The following NXPH2 variants were observed in gnomAD, a reference collection of about 807,000 sequenced individuals.
NXPH2 encodes neurexophilin-2.
In NXPH2, 5 loss-of-function variants were observed where a neutral mutation model predicts 19.8. The ratio of observed to expected loss-of-function variants is 0.25; its 90% CI spans 0.13 to 0.53. NXPH2 has a LOEUF of 0.53. Ranked by LOEUF, NXPH2 falls within the 20% of genes least tolerant of loss-of-function variation. The probability of loss-of-function intolerance (pLI) is 0.96; values close to 1 mark genes in which losing one functional copy is unlikely to be tolerated. For missense variants in NXPH2, 289 were observed against 322.8 expected, an observed-to-expected ratio of 0.90 and a Z score of 0.80; for synonymous variants, 154 against 127.4, an observed-to-expected ratio of 1.21 and a Z score of -1.41.
chr2:138,753,899 G>C (rs1179567908), intron 1 of NXPH2, among the ~76,000 whole-genome samples: 1 of 152,140 alleles, frequency 6.6e-6, no homozygotes, highest in Non-Finnish European at 1.5e-5. Context: ...GTTTCTTGCT[G>C]TTAGTTTTAC....
intron 1 of NXPH2, among the ~76,000 whole-genome samples, chr2:138,752,430 A>G (rs1681841693): frequency 6.6e-6 from 1 of 152,152 alleles, no homozygotes; most frequent in Admixed American, 6.5e-5. Context: ...GACATGTACA[A>G]CCTCATACAT....
chr2:138,758,854 TGA>T (rs1681956037), intron 1 of NXPH2, among the ~76,000 whole-genome samples: 1 of 152,112 alleles, frequency 6.6e-6, no homozygotes, highest in Admixed American at 6.5e-5. Flanking sequence ...TTCTGAAAAA[TGA>T]GAGACAGCTG....
At chr2:138,715,526 G>A (rs1221272010) in intron 1 of NXPH2, among the ~76,000 whole-genome samples, 5 of 152,092 alleles carry the variant, frequency 3.3e-5, no homozygotes, top group Admixed American at 3.3e-4. Flanking sequence ...AATAAACCAG[G>A]GTTTGTTTAC....
intron 1 of NXPH2, among the ~76,000 whole-genome samples, chr2:138,720,463 C>T (rs1194874143): frequency 6.6e-6 from 1 of 152,148 alleles, no homozygotes; most frequent in Non-Finnish European, 1.5e-5. Flanking sequence ...GGCAAGGCCA[C>T]GTAGTCAAGA....
At chr2:138,755,714 C>T (rs182035296) in intron 1 of NXPH2, among the ~76,000 whole-genome samples, 64 of 152,142 alleles carry the variant, frequency 4.2e-4, no homozygotes, top group African/African-American at 1.4e-3. Context: ...AAGTAGCCTG[C>T]TTGAATTTAA....
At chr2:138,772,845 G>C (rs1435043643) in intron 1 of NXPH2, among the ~76,000 whole-genome samples, 1 of 152,202 alleles carries the variant, frequency 6.6e-6, no homozygotes, top group Non-Finnish European at 1.5e-5. Context: ...TTTACAATCT[G>C]TGCAGTCTAC....
intron 1 of NXPH2, among the ~76,000 whole-genome samples, chr2:138,756,137 T>C (rs1230665344): frequency 4.6e-5 from 7 of 152,058 alleles, no homozygotes; most frequent in African/African-American, 1.7e-4. Context: ...AATGAATATT[T>C]ATTAATTACT....
chr2:138,725,618 T>C (rs1261811410), intron 1 of NXPH2, among the ~76,000 whole-genome samples: 1 of 152,258 alleles, frequency 6.6e-6, no homozygotes, highest in Admixed American at 6.5e-5. Context: ...TTATGTTACA[T>C]AATATTTGGC....
At chr2:138,703,519 T>C (rs768607924) in intron 1 of NXPH2, among the ~76,000 whole-genome samples, 2 of 152,154 alleles carry the variant, frequency 1.3e-5, no homozygotes, top group Non-Finnish European at 2.9e-5. Context: ...CTGGGGGTCA[T>C]TATCCAGCAA....
At chr2:138,779,965 G>C (rs183102472) in intron 1 of NXPH2, among the ~76,000 whole-genome samples, 65 of 152,164 alleles carry the variant, frequency 4.3e-4, no homozygotes, top group African/African-American at 1.4e-3. Context: ...CAGCGCTCAA[G>C]TCCCAACCCG....
At chr2:138,675,579 C>T (rs1197063736) in intron 1 of NXPH2, among the ~76,000 whole-genome samples, 3 of 151,976 alleles carry the variant, frequency 2.0e-5, no homozygotes, top group Non-Finnish European at 2.9e-5. Flanking sequence ...TGAAAACTTT[C>T]CTGATAGCAG....
At chr2:138,771,168 G>T (rs867353270) in intron 1 of NXPH2, among the ~76,000 whole-genome samples, 3 of 151,772 alleles carry the variant, frequency 2.0e-5, no homozygotes, top group African/African-American at 7.3e-5. Flanking sequence ...CTATATTAAA[G>T]AATTCAAAAC....
At chr2:138,758,705 G>T (rs1391289903) in intron 1 of NXPH2, among the ~76,000 whole-genome samples, 1 of 152,152 alleles carries the variant, frequency 6.6e-6, no homozygotes. Context: ...AGAGACTGTG[G>T]CCTGGTGGAT....
intron 1 of NXPH2, among the ~76,000 whole-genome samples, chr2:138,678,639 A>T (rs372966906): frequency 1.3e-5 from 2 of 152,192 alleles, no homozygotes; most frequent in Non-Finnish European, 2.9e-5. Flanking sequence ...TGTGTCTGTC[A>T]TCACCATTAT....
intron 1 of NXPH2, among the ~76,000 whole-genome samples, chr2:138,715,400 T>C (rs1199380660): frequency 6.6e-6 from 1 of 152,232 alleles, no homozygotes; most frequent in East Asian, 1.9e-4. Flanking sequence ...CTAGATTTAA[T>C]TTGTCATAAT....
chr2:138,769,101 A>G (rs936489337), intron 1 of NXPH2, among the ~76,000 whole-genome samples: 7 of 152,372 alleles, frequency 4.6e-5, no homozygotes, highest in African/African-American at 1.7e-4. Context: ...GAGAATCGCA[A>G]TCTCACTCTT....
At chr2:138,758,882 C>A (rs989863902) in intron 1 of NXPH2, among the ~76,000 whole-genome samples, 25 of 152,170 alleles carry the variant, frequency 1.6e-4, no homozygotes, top group African/African-American at 5.8e-4. Flanking sequence ...ATCTCTATAT[C>A]ACAATATGCT....
chr2:138,718,196 C>T (rs1307058469), intron 1 of NXPH2, among the ~76,000 whole-genome samples: 6 of 152,008 alleles, frequency 3.9e-5, no homozygotes, highest in Admixed American at 6.6e-5. Context: ...TTGAAGTCCT[C>T]ACCAAGGCTA....
chr2:138,674,540 C>A (rs2104964883), intron 1 of NXPH2, among the ~76,000 whole-genome samples: 1 of 152,306 alleles, frequency 6.6e-6, no homozygotes, highest in Middle Eastern at 3.4e-3. Flanking sequence ...CTACCTTGGC[C>A]TCTCAAAGTG....
Sources: allele counts gnomAD v4.1 joint callset (sites outside exome capture counted in the v4.1 genomes callset), GRCh38; gene constraint gnomAD v4.1.1; transcripts MANE v1.5; gene names NCBI Gene and HGNC (gene_info 2026-07-23, HGNC 2026-07-21).